Variants in TRPM7 observed in about 807,000 individuals in gnomAD.
TRPM7 encodes the protein LTRPC ion channel family member 7.
Under a neutral mutation model 229.7 loss-of-function variants are expected in TRPM7, and 134 were observed. The ratio of observed to expected loss-of-function variants is 0.58; its 90% CI spans 0.51 to 0.67. TRPM7 has a LOEUF of 0.67. TRPM7 is among the 30% of genes least tolerant of loss of function. The probability of loss-of-function intolerance (pLI) is 0.00; values close to 1 mark genes in which losing one functional copy is unlikely to be tolerated. For synonymous variants in TRPM7, 699 were observed against 715.2 expected (o/e 0.98, Z 0.36); for missense variants, 1,901 against 2,210.0 (o/e 0.86, Z 2.80).
At chr15:50,569,563 C>T (rs1596058542) in intron 38 of TRPM7, among the ~76,000 whole-genome samples, 1 of 152,120 alleles carries the variant, frequency 6.6e-6, no homozygotes, top group Admixed American at 6.5e-5. Context: ...TAACTCCCTG[C>T]TAATCTTGTC....
chr15:50,674,372 T>C (rs1596346947), intron 1 of TRPM7, among the ~76,000 whole-genome samples: 1 of 152,176 alleles, frequency 6.6e-6, no homozygotes, highest in Non-Finnish European at 1.5e-5. Flanking sequence ...TCTCAGGTGA[T>C]CCACCCGCCT....
intron 38 of TRPM7, among the ~76,000 whole-genome samples, chr15:50,568,942 C>G (rs574910754): frequency 1.3e-5 from 2 of 152,290 alleles, no homozygotes; most frequent in South Asian, 4.1e-4. Flanking sequence ...GAGATCGCAC[C>G]ACTGCACTCC....
rs180890382 is a variant in TRPM7, at chr15:50,645,069, T to C, written c.322-1516A>G. 2.2e-3 allele frequency among the ~76,000 whole-genome samples: 335 copies of C among 152,200 alleles called. 1 individual carries two copies. The highest frequency in any genetic ancestry group is 5.2e-3 in the Admixed American group (79 of 15,290). ...GACACAGGGCACCCTGCGTAGCTAA[T>C]TTTTTAAATATTTTTTGTAGACACA... On this transcript the variant is annotated intron_variant, in intron 4 of 38. Coordinates refer to ENST00000646667, the MANE Select transcript of TRPM7 (RefSeq NM_017672.6).
intron 13 of TRPM7, among the ~76,000 whole-genome samples, chr15:50,618,395 C>T (rs923932848): frequency 1.3e-5 from 2 of 151,856 alleles, no homozygotes; most frequent in East Asian, 1.9e-4. Flanking sequence ...ATGGTGAAAC[C>T]CCGTCTCTAC....
chr15:50,577,023 G>A (rs1418104010), intron 31 of TRPM7, among the ~76,000 whole-genome samples: 3 of 151,892 alleles, frequency 2.0e-5, no homozygotes, highest in African/African-American at 4.8e-5. Flanking sequence ...GAGGTGGGAG[G>A]AATGCTTGAG....
At chr15:50,678,626 TAATA>T (rs201607313) in intron 1 of TRPM7, among the ~76,000 whole-genome samples, 2,196 of 151,096 alleles carry the variant, frequency 0.015, 59 homozygotes, top group African/African-American at 0.051. Context: ...CTCAACTAAT[TAATA>T]ATTAGATATT....
At chr15:50,635,154 GA>G (rs2060852016) in intron 7 of TRPM7, among the ~76,000 whole-genome samples, 2 of 149,670 alleles carry the variant, frequency 1.3e-5, no homozygotes, top group East Asian at 4.0e-4. Context: ...TGTCTCTACT[GA>G]AAATACAAAA....
At chr15:50,612,093 ATTTCTTCTT>A (rs1468837381) in intron 16 of TRPM7, among the ~76,000 whole-genome samples, 3 of 152,094 alleles carry the variant, frequency 2.0e-5, no homozygotes, top group Admixed American at 2.0e-4. Context: ...GAATTCTGGC[ATTTCTTCTT>A]TGTTTCGAGA....
At chr15:50,659,705 T>C (rs529654338) in intron 2 of TRPM7, among the ~76,000 whole-genome samples, 1 of 152,108 alleles carries the variant, frequency 6.6e-6, no homozygotes, top group East Asian at 1.9e-4. Flanking sequence ...TCTCACTCTG[T>C]CACTGAGGCT....
chr15:50,619,222 T>TC (rs1373647888), intron 13 of TRPM7, among the ~76,000 whole-genome samples: 1 of 149,438 alleles, frequency 6.7e-6, no homozygotes, highest in Non-Finnish European at 1.5e-5. Flanking sequence ...AGCTTTTTTT[T>TC]CTTTTTTTTT....
chr15:50,615,409 G>C (rs1217020261), intron 13 of TRPM7, among the ~76,000 whole-genome samples: 1 of 151,964 alleles, frequency 6.6e-6, no homozygotes, highest in African/African-American at 2.4e-5. Flanking sequence ...TTAAAGATAA[G>C]ACTTCATTTT....
chr15:50,570,676 C>CT (rs564791965), intron 36 of TRPM7, among the ~76,000 whole-genome samples: 5,306 of 90,554 alleles, frequency 0.059, 141 homozygotes, highest in Middle Eastern at 0.095. Context: ...AACTTCATTC[C>CT]TAAAAAAAAA....
intron 8 of TRPM7, among the ~76,000 whole-genome samples, 179 bp from the exon 9 acceptor site, chr15:50,633,171 A>C (rs1215167707): frequency 6.6e-6 from 1 of 152,222 alleles, no homozygotes; most frequent in Non-Finnish European, 1.5e-5. Flanking sequence ...TAGAAGGAAA[A>C]TAAATGAAAC....
At chr15:50,594,690 G>A (rs1264848874) in intron 23 of TRPM7, 77 bp from the exon 24 acceptor site, 1 of 982,668 alleles carries the variant, frequency 1.0e-6, no homozygotes, top group East Asian at 2.7e-5. Context: ...TGATTTCATT[G>A]TAATTCTGTA....
chr15:50,572,340 A>T (rs1490485207), intron 36 of TRPM7, among the ~76,000 whole-genome samples: 1 of 152,236 alleles, frequency 6.6e-6, no homozygotes, highest in Non-Finnish European at 1.5e-5. Flanking sequence ...AAACTTCAGC[A>T]ACTATCAGTT....
At chr15:50,652,075 G>A (rs2061435034) in intron 3 of TRPM7, among the ~76,000 whole-genome samples, 1 of 151,638 alleles carries the variant, frequency 6.6e-6, no homozygotes, top group African/African-American at 2.4e-5. Flanking sequence ...GCTCATGCCT[G>A]TAATCCCAGC....
At chr15:50,622,266 T>C (rs1033871446) in intron 12 of TRPM7, among the ~76,000 whole-genome samples, 4 of 152,174 alleles carry the variant, frequency 2.6e-5, no homozygotes, top group Non-Finnish European at 5.9e-5. Context: ...CTCAATAATT[T>C]TAATGTAAAG....
intron 1 of TRPM7, among the ~76,000 whole-genome samples, chr15:50,682,815 T>C (rs1276378500): frequency 1.3e-5 from 2 of 152,074 alleles, no homozygotes; most frequent in Admixed American, 1.3e-4. Context: ...TTCACATAAA[T>C]GACTCAGTTA....
Position 50,607,238 on chromosome 15 carries a change from CAAT to C in TRPM7, c.2668_2670del (p.Ile890del). ...TCAATGGCATAAGTAAAAATATAAGCAATAACAATCCATTCTTGAACTGAAGGT... is the reference window on the plus strand; with the variant it reads ...TCAATGGCATAAGTAAAAATATAAGCAACAATCCATTCTTGAACTGAAGGT... On this transcript the variant is annotated inframe_deletion, in exon 20 of 39. Coordinates refer to ENST00000646667, the MANE Select transcript of TRPM7 (RefSeq NM_017672.6). 1 of 1,611,008 alleles carries C rather than the reference CAAT, an allele frequency of 6.2e-7. No homozygotes were observed. Among genetic ancestry groups the C allele is most frequent in the Non-Finnish European group, 8.5e-7 (1 of 1,178,628 alleles).
Sources: gnomAD v4.1 joint callset for allele counts (sites outside exome capture counted in the v4.1 genomes callset) on GRCh38, gnomAD v4.1.1 for gene constraint, MANE v1.5 for transcripts, NCBI Gene and HGNC (gene_info 2026-07-23, HGNC 2026-07-21) for gene names.